Variants in NKAIN3 observed in about 807,000 individuals in gnomAD.
NKAIN3 encodes the protein sodium/potassium transporting ATPase interacting 3.
NKAIN3 carries 25 observed loss-of-function variants against 30.2 expected under a neutral mutation model. The observed-to-expected ratio is 0.83, with a 90% confidence interval of 0.60 to 1.16. The LOEUF (loss-of-function observed/expected upper bound fraction) is 1.16, where lower values mean the gene tolerates loss of function less well. NKAIN3 is among the 50% of genes most tolerant of loss of function. The probability of loss-of-function intolerance (pLI) is 0.00; values close to 1 mark genes in which losing one functional copy is unlikely to be tolerated. For synonymous variants in NKAIN3, 91 were observed against 89.6 expected (o/e 1.02, Z -0.09); for missense variants, 225 against 254.1 (o/e 0.89, Z 0.78).
intron 1 of NKAIN3, among the ~76,000 whole-genome samples, chr8:62,273,393 A>G (rs998073782): frequency 4.6e-5 from 7 of 152,208 alleles, no homozygotes; most frequent in Non-Finnish European, 7.3e-5. Flanking sequence ...TTCCAAAACA[A>G]AAACAATACC....
At chr8:62,322,326 C>G (rs1216517233) in intron 1 of NKAIN3, among the ~76,000 whole-genome samples, 1 of 152,116 alleles carries the variant, frequency 6.6e-6, no homozygotes, top group Non-Finnish European at 1.5e-5. Context: ...GTGCACTGTA[C>G]CCACTGTCCT....
intron 5 of NKAIN3, among the ~76,000 whole-genome samples, chr8:62,936,377 C>A (rs1458023933): frequency 6.6e-6 from 1 of 152,114 alleles, no homozygotes; most frequent in Non-Finnish European, 1.5e-5. Flanking sequence ...TAGCTGTCAG[C>A]ACTCCGCATG....
chr8:62,989,581 C>A (rs546996279), downstream of NKAIN3, among the ~76,000 whole-genome samples: 1 of 152,218 alleles, frequency 6.6e-6, no homozygotes, highest in Admixed American at 6.5e-5. Flanking sequence ...ATTATGGGAG[C>A]TACAATCTAA....
chr8:62,611,179 A>G (rs1475595850), intron 3 of NKAIN3, among the ~76,000 whole-genome samples: 1 of 152,124 alleles, frequency 6.6e-6, no homozygotes, highest in Non-Finnish European at 1.5e-5. Flanking sequence ...TTTTAAAAAA[A>G]TGTTATGGGT....
intron 5 of NKAIN3, among the ~76,000 whole-genome samples, chr8:62,933,130 T>A (rs1822672498): frequency 1.3e-5 from 2 of 152,212 alleles, no homozygotes; most frequent in Admixed American, 6.5e-5. Context: ...ATGGATTTAA[T>A]CTTGGGAATA....
intron 1 of NKAIN3, among the ~76,000 whole-genome samples, chr8:62,375,534 G>A (rs116000149): frequency 0.01 from 1,559 of 152,154 alleles, 26 homozygotes; most frequent in African/African-American, 0.035. Context: ...ATATTTAGCC[G>A]TTCTGAACTT....
chr8:62,368,142 C>G (rs1261256222), intron 1 of NKAIN3, among the ~76,000 whole-genome samples: 1 of 151,690 alleles, frequency 6.6e-6, no homozygotes. Context: ...TGTTCATACT[C>G]CCCCCAAGGA....
At chr8:62,347,790 T>C (rs1201358342) in intron 1 of NKAIN3, among the ~76,000 whole-genome samples, 1 of 152,060 alleles carries the variant, frequency 6.6e-6, no homozygotes, top group African/African-American at 2.4e-5. Context: ...AGTAGATAAG[T>C]ATGAGGTTGC....
intron 1 of NKAIN3, among the ~76,000 whole-genome samples, chr8:62,395,200 C>T (rs764367251): frequency 1.2e-4 from 18 of 150,900 alleles, no homozygotes; most frequent in Non-Finnish European, 2.1e-4. Context: ...CGGGCAGCAG[C>T]GCCCCTCACT....
At chr8:62,735,284 C>CT (rs1815611199) in intron 3 of NKAIN3, among the ~76,000 whole-genome samples, 1 of 151,972 alleles carries the variant, frequency 6.6e-6, no homozygotes, top group East Asian at 1.9e-4. Flanking sequence ...TTCTTGGATG[C>CT]TTTGTTCCTT....
chr8:62,438,171 T>C (rs943527643), intron 1 of NKAIN3, among the ~76,000 whole-genome samples: 1 of 152,238 alleles, frequency 6.6e-6, no homozygotes, highest in African/African-American at 2.4e-5. Flanking sequence ...GCTGCTTTGC[T>C]ATCCCAGCTG....
chr8:62,590,678 CT>C (rs879609407), intron 3 of NKAIN3, among the ~76,000 whole-genome samples: 13 of 151,792 alleles, frequency 8.6e-5, no homozygotes, highest in Non-Finnish European at 1.5e-4. Flanking sequence ...GAAAATGTGT[CT>C]TGAGCAGCAA....
intron 1 of NKAIN3, among the ~76,000 whole-genome samples, chr8:62,387,257 AG>A (rs1817457957): frequency 6.6e-6 from 1 of 152,044 alleles, no homozygotes; most frequent in Non-Finnish European, 1.5e-5. Flanking sequence ...ACATGGTAAA[AG>A]GGCCCATGTG....
At chr8:62,466,099 G>C (rs535237669) in intron 1 of NKAIN3, among the ~76,000 whole-genome samples, 1 of 152,206 alleles carries the variant, frequency 6.6e-6, no homozygotes, top group East Asian at 1.9e-4. Flanking sequence ...TAGATTGGGT[G>C]AATCTCAGAG....
chr8:62,345,227 C>T (rs1815892870), intron 1 of NKAIN3, among the ~76,000 whole-genome samples: 1 of 149,388 alleles, frequency 6.7e-6, no homozygotes, highest in East Asian at 2.0e-4. Context: ...GGTGACACAG[C>T]CACCAAAATA....
chr8:62,396,859 G>A (rs1037049285), intron 1 of NKAIN3, among the ~76,000 whole-genome samples: 1 of 152,048 alleles, frequency 6.6e-6, no homozygotes, highest in Non-Finnish European at 1.5e-5. Flanking sequence ...ACTTACTTTG[G>A]TATTTGTTAT....
chr8:62,724,556 A>G (rs2130526401), intron 3 of NKAIN3, among the ~76,000 whole-genome samples: 1 of 152,246 alleles, frequency 6.6e-6, no homozygotes, highest in South Asian at 2.1e-4. Flanking sequence ...TCTGATAACT[A>G]TCATTCTACT....
Position 62,800,783 on chromosome 8 carries a change from G to A in NKAIN3, c.471+53654G>A, listed in dbSNP as rs531749851. On this transcript the variant is annotated intron_variant, in intron 4 of 6. Coordinates refer to ENST00000623646, the MANE Select transcript of NKAIN3 (RefSeq NM_001304533.3). ...GTGGGTGCAGGTCAGTAGGTGCAGT[G>A]CACCATGCGCAAGCTGAAGCAGGGC... Among the ~76,000 whole-genome samples the A allele has an allele frequency of 5.9e-5, 9 of 152,008 alleles. No homozygotes were observed. In the South Asian group the frequency reaches 1.7e-3, roughly 28 times the overall value.
chr8:62,522,421 A>G (rs904893475), intron 1 of NKAIN3, among the ~76,000 whole-genome samples: 3 of 152,094 alleles, frequency 2.0e-5, no homozygotes, highest in African/African-American at 7.2e-5. Context: ...TTTATTTACT[A>G]TACTATACTT....
Sources: gnomAD v4.1 joint callset for allele counts (sites outside exome capture counted in the v4.1 genomes callset) on GRCh38, gnomAD v4.1.1 for gene constraint, MANE v1.5 for transcripts, NCBI Gene and HGNC (gene_info 2026-07-23, HGNC 2026-07-21) for gene names.